Variants in NPC1 observed in about 807,000 individuals in gnomAD.
The protein encoded by NPC1 is NPC intracellular cholesterol transporter 1, also known as Niemann-Pick C1 protein.
Under a neutral mutation model 140.4 loss-of-function variants are expected in NPC1, and 85 were observed. That is an observed-to-expected ratio of 0.61 (90% CI 0.51 to 0.72). The LOEUF is 0.72. Among genes scored for constraint, NPC1 ranks in the 30% least tolerant of loss-of-function variants. The pLI is 0.00. For synonymous variants in NPC1, 656 were observed against 624.8 expected, an observed-to-expected ratio of 1.05 and a Z score of -0.74; for missense variants, 1,504 against 1,623.8, an observed-to-expected ratio of 0.93 and a Z score of 1.27.
At position 23,560,281 on chromosome 18, in the gene NPC1, C is replaced by G; in HGVS notation, c.831G>C (p.Met277Ile). 1 of 1,614,210 alleles carries G rather than the reference C, an allele frequency of 6.2e-7. No homozygotes were observed. The highest frequency in any genetic ancestry group is 8.5e-7 in the Non-Finnish European group (1 of 1,180,046). The change falls in exon 6 of 25, where the codon ATG becomes ATC. Residue 277 changes from methionine to isoleucine, a missense_variant. Physicochemically the swap from Met to Ile is conservative, Grantham distance 10. Transcript: ENST00000269228. ...AMYVIMWITY[M>I]AFLLVFFGAF... ...CTCCAAAAAACACAAGCAAAAACGC[C>G]ATGTAGGTGATCCACATGATGACAT...
chr18:23,585,400 T>G (rs907796008), intron 1 of NPC1, among the ~76,000 whole-genome samples: 22 of 152,104 alleles, frequency 1.4e-4, no homozygotes, highest in Non-Finnish European at 2.4e-4. Context: ...TAAATAGAAG[T>G]CGAAGGAGAG....
chr18:23,542,546 G>T (rs2058727237), intron 14 of NPC1, among the ~76,000 whole-genome samples: 1 of 152,148 alleles, frequency 6.6e-6, no homozygotes, highest in Admixed American at 6.5e-5. Context: ...TCAGACATGG[G>T]GCAGACAGCC....
chr18:23,539,679 T>C (rs1442414196), intron 18 of NPC1, 132 bp downstream of exon 18: 1 of 1,055,528 alleles, frequency 9.5e-7, no homozygotes, highest in Non-Finnish European at 1.4e-6. Context: ...AAGCCAGATT[T>C]AACATACATT....
chr18:23,549,155 TCCCAAACTGCC>T, intron 10 of NPC1, among the ~76,000 whole-genome samples: 1 of 152,182 alleles, frequency 6.6e-6, no homozygotes, highest in East Asian at 1.9e-4. Flanking sequence ...TGATAAATTC[TCCCAAACTGCC>T]TTCCAAAGAA....
At chr18:23,554,671 G>T in intron 9 of NPC1, 87 bp downstream of exon 9, 1 of 966,058 alleles carries the variant, frequency 1.0e-6, no homozygotes. Flanking sequence ...TCACCTCTGG[G>T]TTATGCTCAT....
At chr18:23,519,959 TTGAG>T (rs892112837), downstream of NPC1, among the ~76,000 whole-genome samples, 23 of 152,304 alleles carry the variant, frequency 1.5e-4, no homozygotes, top group African/African-American at 4.8e-4. Flanking sequence ...TTAGGTCACT[TTGAG>T]TGAGCTCATC....
rs1393270334 is a variant in NPC1, at chr18:23,534,461, G to A, written c.3576C>T (p.Ala1192=). 6.2e-7 allele frequency: 1 copy of A among 1,613,308 alleles called. No homozygotes were observed. Among genetic ancestry groups the A allele is most frequent in the African/African-American group, 1.3e-5 (1 of 75,070 alleles). The change falls in exon 23 of 25, where the codon GCC becomes GCT. Residue 1192 remains alanine, a synonymous_variant. Transcript: ENST00000269228. ...GGGTACTCACGGAGCTGCCCATGTG[G>A]GCAAGTGCCTCTTCCGCGCGCTCCA... The part of the protein sequence containing the change: ...SRVERAEEAL[A]HMGSSVFSGI...
Position 23,533,356 on chromosome 18 carries a change from T to C in NPC1, c.3753A>G (p.Ile1251Met). The change falls in exon 24 of 25, where the codon ATA (isoleucine) becomes ATG (methionine). Residue 1251 changes from isoleucine to methionine, a missense_variant and splice_region_variant. Coordinates refer to ENST00000269228, the MANE Select transcript of NPC1 (RefSeq NM_000271.5). ...CCCTTTTAAGATGAGAACTCTTACC[T>C]ATGTAACTGAGTAAGACAGGGAGAA... ...LIFLPVLLSY[I>M]GPSVNKAKSC... 1 of 1,613,492 alleles carries C rather than the reference T, an allele frequency of 6.2e-7. No homozygotes were observed. The highest frequency in any genetic ancestry group is 8.5e-7 in the Non-Finnish European group (1 of 1,179,350).
intron 1 of NPC1, among the ~76,000 whole-genome samples, chr18:23,583,303 C>T (rs2059378746): frequency 6.6e-6 from 1 of 152,114 alleles, no homozygotes; most frequent in African/African-American, 2.4e-5. Context: ...CAGAGGATAA[C>T]TGGCTTACCC....
chr18:23,566,764 T>C (rs1380526261), intron 4 of NPC1, among the ~76,000 whole-genome samples: 1 of 152,224 alleles, frequency 6.6e-6, no homozygotes, highest in Non-Finnish European at 1.5e-5. Context: ...CAAAATGTCA[T>C]ATAAACATGT....
At chr18:23,566,161 T>A (rs1253952074) in intron 4 of NPC1, among the ~76,000 whole-genome samples, 5 of 152,050 alleles carry the variant, frequency 3.3e-5, no homozygotes, top group Non-Finnish European at 5.9e-5. Context: ...CCCAGCACTG[T>A]GGGAAGATCT....
At chr18:23,523,614 TCTGAAGG>T (rs2058208713) in intron 1 of NPC1, among the ~76,000 whole-genome samples, 1 of 145,678 alleles carries the variant, frequency 6.9e-6, no homozygotes, top group Admixed American at 6.9e-5. Flanking sequence ...TCCTAGCTAC[TCTGAAGG>T]CTGAGGCAGG....
intron 9 of NPC1, among the ~76,000 whole-genome samples, chr18:23,552,725 T>C (rs553461016): frequency 1.3e-5 from 2 of 152,280 alleles, no homozygotes; most frequent in African/African-American, 4.8e-5. Context: ...AGCTTCTGCA[T>C]ATGACCCACC....
chr18:23,528,016 T>A, downstream of NPC1: 1 of 869,402 alleles, frequency 1.2e-6, no homozygotes, highest in Non-Finnish European at 1.7e-6. Flanking sequence ...TCGCTGAGAT[T>A]TGCCGCCTGC....
At chr18:23,513,366 A>G (rs2057914885) in intron 3 of NPC1, among the ~76,000 whole-genome samples, 1 of 152,228 alleles carries the variant, frequency 6.6e-6, no homozygotes, top group African/African-American at 2.4e-5. Flanking sequence ...ATGCCATAGC[A>G]TGTGATAGGG....
chr18:23,569,888 G>A (rs1433499592), intron 3 of NPC1, among the ~76,000 whole-genome samples: 3 of 152,182 alleles, frequency 2.0e-5, no homozygotes, highest in African/African-American at 7.2e-5. Context: ...CTTGTTACAT[G>A]ATAAAAGAGC....
chr18:23,520,410 G>A (rs2058112653), downstream of NPC1: 1 of 977,028 alleles, frequency 1.0e-6, no homozygotes. Flanking sequence ...GTGGAGTGAG[G>A]AATAAACAGA....
At chr18:23,547,059 C>A (rs1203570975) in intron 11 of NPC1, among the ~76,000 whole-genome samples, 1 of 152,022 alleles carries the variant, frequency 6.6e-6, no homozygotes, top group African/African-American at 2.4e-5. Flanking sequence ...CTCAAGTGAG[C>A]CTCTCGTCTG....
rs147207851 is a variant in NPC1, at chr18:23,566,663, C to CCTT, written c.463+2157_463+2159dup. Among the ~76,000 whole-genome samples, 722 of 152,252 alleles carry CCTT rather than the reference C, an allele frequency of 4.7e-3. 4 individuals are homozygous for CCTT. Among genetic ancestry groups the CCTT allele is most frequent in the African/African-American group, 0.017 (690 of 41,532 alleles). The stretch of plus-strand genomic sequence containing the variant: ...CAATTACCCCTCCCTGACAGTAGCC[C>CCTT]CTTCCCTAAGGTAAACACAATCCTG... On this transcript the variant is annotated intron_variant, in intron 4 of 24. Transcript: ENST00000269228.
Sources: allele counts gnomAD v4.1 joint callset (sites outside exome capture counted in the v4.1 genomes callset), GRCh38; gene constraint gnomAD v4.1.1; transcripts MANE v1.5; gene names NCBI Gene and HGNC (gene_info 2026-07-23, HGNC 2026-07-21).